Variants in RDH11 observed in about 807,000 individuals in gnomAD.
The protein encoded by RDH11 is HCV core-binding protein HCBP12.
In RDH11, 19 loss-of-function variants were observed where a neutral mutation model predicts 33.4. The observed-to-expected ratio is 0.57, with a 90% confidence interval of 0.40 to 0.83. The LOEUF (loss-of-function observed/expected upper bound fraction) is 0.83, where lower values mean the gene tolerates loss of function less well. RDH11 is among the 40% of genes least tolerant of loss of function. The pLI is 0.00. For synonymous variants in RDH11, 154 were observed against 155.3 expected, an observed-to-expected ratio of 0.99 and a Z score of 0.06; for missense variants, 353 against 389.0, an observed-to-expected ratio of 0.91 and a Z score of 0.78.
Position 67,690,381 on chromosome 14 carries a change from CT to C in RDH11, c.494del (p.Lys165ArgfsTer8). On this transcript the variant is annotated frameshift_variant, in exon 5 of 7. Coordinates refer to ENST00000381346, the MANE Select transcript of RDH11 (RefSeq NM_016026.4). LOFTEE classifies it high-confidence loss of function. ...TTACTATCCTTGATGGGGCTGATTC[CT>C]TTAGTTTCTCTAGCAGCAGATGGGT... ...LLTHLLLEKL[K>X]ESAPSRIVNV... is the part of the protein sequence containing the mutation. 1 of 1,614,188 alleles carries C rather than the reference CT, an allele frequency of 6.2e-7. No individual in the cohort carries two copies. Among genetic ancestry groups the C allele is most frequent in the Non-Finnish European group, 8.5e-7 (1 of 1,180,028 alleles).
intron 6 of RDH11, 160 bp downstream of exon 6, chr14:67,684,855 A>G: frequency 1.9e-6 from 1 of 518,650 alleles, no homozygotes; most frequent in Non-Finnish European, 3.4e-6. Flanking sequence ...AGTTATTACA[A>G]AAGAGAGTCA....
chr14:67,691,347 C>T, intron 3 of RDH11, 103 bp from the exon 4 acceptor site: 1 of 713,830 alleles, frequency 1.4e-6, no homozygotes. Context: ...TGCAGGACTT[C>T]AATCTTCCCT....
At chr14:67,682,109 G>A (rs1465336066) in intron 6 of RDH11, among the ~76,000 whole-genome samples, 1 of 152,090 alleles carries the variant, frequency 6.6e-6, no homozygotes, top group Non-Finnish European at 1.5e-5. Context: ...GGAACCATGA[G>A]CTAAGTAAAT....
chr14:67,692,234 GTTTTGAA>G (rs2037759250), intron 3 of RDH11, 197 bp downstream of exon 3: 3 of 567,316 alleles, frequency 5.3e-6, no homozygotes, highest in Non-Finnish European at 9.2e-6. Flanking sequence ...CTGCTATGAC[GTTTTGAA>G]TTCATTTTTT....
chr14:67,693,542 T>G (rs1178288578), intron 1 of RDH11, among the ~76,000 whole-genome samples: 1 of 151,102 alleles, frequency 6.6e-6, no homozygotes, highest in Non-Finnish European at 1.5e-5. Context: ...CCCACACGCA[T>G]GCACATACAC....
chr14:67,692,978 T>G lies in RDH11; in HGVS notation c.149A>C (p.Asn50Thr). The G allele has an allele frequency of 6.2e-7, 1 of 1,614,114 alleles. No individual in the cohort carries two copies. Among genetic ancestry groups the G allele is most frequent in the Non-Finnish European group, 8.5e-7 (1 of 1,179,988 alleles). ...GGCTGTCTCCTTCCCGATACCTGTA[T>G]TAGCTCCTGTGACCACAACTACTTT... ...PGKVVVVTGA[N>T]TGIGKETAKE... Residue 50 changes from asparagine (N) to threonine (T), a missense_variant, in exon 2 of 7, where the codon AAT (asparagine) becomes ACT (threonine). Asn to Thr is a moderately conservative substitution (Grantham distance 65). Transcript: ENST00000381346.
At chr14:67,679,898 GAA>G (rs1219931754) in intron 6 of RDH11, among the ~76,000 whole-genome samples, 3 of 152,158 alleles carry the variant, frequency 2.0e-5, no homozygotes, top group African/African-American at 7.2e-5. Context: ...ACTATTTCAA[GAA>G]AATTGCTTCC....
intron 5 of RDH11, among the ~76,000 whole-genome samples, chr14:67,687,850 T>C (rs1037534312): frequency 4.6e-5 from 7 of 151,408 alleles, no homozygotes; most frequent in African/African-American, 1.7e-4. Context: ...CTTGGCTCAC[T>C]GCAAACTCTG....
chr14:67,679,156 G>C (rs2037581476), intron 6 of RDH11, among the ~76,000 whole-genome samples: 1 of 152,188 alleles, frequency 6.6e-6, no homozygotes, highest in South Asian at 2.1e-4. Flanking sequence ...ATGGGCAAGA[G>C]AGGGAAGGGG....
chr14:67,695,741 A>G lies in RDH11; in HGVS notation c.-38T>C. ...CAGCGGCACCAGAGCGGGATGCTCC[A>G]GCGTTGCTCGCCGACTATGGCTTCT... is the stretch of plus-strand genomic sequence containing the variant. On this transcript the variant is annotated 5_prime_UTR_variant, in exon 1 of 7. Coordinates refer to ENST00000381346, the MANE Select transcript of RDH11 (RefSeq NM_016026.4). The G allele has an allele frequency of 6.2e-7, 1 of 1,600,978 alleles. No individual in the cohort carries two copies. The highest frequency in any genetic ancestry group is 1.1e-5 in the South Asian group (1 of 90,512).
chr14:67,687,467 C>T lies in RDH11; in HGVS notation c.665-2263G>A, dbSNP rs199813552. ...GGAATGTTTCTCAGCCTCCATATTCCTTTTTTTTTTTTTTTTTTTTGAGAT... is the reference window on the plus strand; with the variant it reads ...GGAATGTTTCTCAGCCTCCATATTCTTTTTTTTTTTTTTTTTTTTTGAGAT... On this transcript the variant is annotated intron_variant, in intron 5 of 6. Coordinates refer to ENST00000381346, the MANE Select transcript of RDH11 (RefSeq NM_016026.4). Among the ~76,000 whole-genome samples the T allele has an allele frequency of 3.8e-3, 306 of 79,692 alleles. 11 individuals carry two copies. The highest frequency in any genetic ancestry group is 4.3e-3 in the East Asian group (12 of 2,774). The allele number at this position is 79,692 out of a possible 152,430, so 52.3% of individuals were successfully genotyped here. A position where few individuals can be genotyped will look rare whatever the true frequency, so the allele number is the denominator to read the frequency against.
At chr14:67,684,792 C>A in intron 6 of RDH11, 1 of 372,140 alleles carries the variant, frequency 2.7e-6, no homozygotes, top group South Asian at 1.0e-4. Context: ...AGGAAGAAAA[C>A]AAACAGAATG....
intron 5 of RDH11, among the ~76,000 whole-genome samples, chr14:67,689,027 T>C (rs1008816470): frequency 2.6e-5 from 4 of 152,208 alleles, no homozygotes; most frequent in Admixed American, 6.5e-5. Context: ...TCCTCACAAC[T>C]ATCAGAGTCA....
rs761047499 is a variant in RDH11 at position 67,685,033 on chromosome 14, A to T, written c.836T>A (p.Leu279Gln). 1.9e-6 allele frequency: 3 copies of T among 1,608,654 alleles called. No homozygotes were observed. The South Asian group carries it at 3.3e-5, about 18-fold the overall frequency. The part of the protein sequence containing the change: ...HCALTEGLEI[L>Q]SGNHFSDCHV... The stretch of plus-strand genomic sequence containing the variant: ...TTCATACCTGAAATGATTCCCACTT[A>T]GAATCTCAAGACCTTCTGTTAAGGC... Residue 279 changes from leucine to glutamine, a missense_variant, in exon 6 of 7, where the codon CTA (leucine) becomes CAA (glutamine). Leu to Gln is a moderately radical substitution (Grantham distance 113). Transcript: ENST00000381346.
At chr14:67,689,986 C>A in intron 5 of RDH11, 1 of 513,106 alleles carries the variant, frequency 1.9e-6, no homozygotes, top group Non-Finnish European at 3.5e-6. Flanking sequence ...GATCACACAG[C>A]TAGTAAGTAG....
Position 67,677,363 on chromosome 14 carries a change from A to ATTTTTTTTTTTTTTTTTTTTTTTTTT in RDH11, c.*932_*957dup, listed in dbSNP as rs71129846. ...TTTTTTTTGTTTGTTTGTTTTTAGG[A>ATTTTTTTTTTTTTTTTTTTTTTTTTT]TTTTTTTTTTTTTTTTTTTTTTTTT... On this transcript the variant is annotated 3_prime_UTR_variant, in exon 7 of 7. Transcript: ENST00000381346. 6.3e-5 allele frequency: 2 copies of ATTTTTTTTTTTTTTTTTTTTTTTTTT among 31,978 alleles called. No homozygotes were observed. The highest frequency in any genetic ancestry group is 5.1e-5 in the Non-Finnish European group (1 of 19,688). 2.0% of individuals were successfully genotyped at this position (31,978 alleles called of 1,614,324 possible). A position where few individuals can be genotyped will look rare whatever the true frequency, so the allele number is the denominator to read the frequency against.
At chr14:67,685,328 T>C in intron 5 of RDH11, 124 bp from the exon 6 acceptor site, 1 of 685,542 alleles carries the variant, frequency 1.5e-6, no homozygotes, top group Non-Finnish European at 2.5e-6. Context: ...CATGGTGACA[T>C]CAGAAGTACT....
intron 6 of RDH11, among the ~76,000 whole-genome samples, chr14:67,684,150 T>C (rs1315776622): frequency 1.3e-5 from 2 of 152,248 alleles, no homozygotes; most frequent in Non-Finnish European, 2.9e-5. Flanking sequence ...AGATTTTGTC[T>C]GTCTACTGAA....
intron 5 of RDH11, 53 bp from the exon 6 acceptor site, chr14:67,685,257 T>A: frequency 2.7e-6 from 4 of 1,478,588 alleles, no homozygotes; most frequent in Non-Finnish European, 3.7e-6. Flanking sequence ...TTTTGCAGAA[T>A]AGCCCAAAAC....
Sources: gnomAD v4.1 joint callset for allele counts (sites outside exome capture counted in the v4.1 genomes callset) on GRCh38, gnomAD v4.1.1 for gene constraint, MANE v1.5 for transcripts, NCBI Gene and HGNC (gene_info 2026-07-23, HGNC 2026-07-21) for gene names.